PARN: variants seen among roughly 807,000 people sequenced by gnomAD.
PARN encodes poly(A)-specific ribonuclease.
In PARN, 71 loss-of-function variants were observed where a neutral mutation model predicts 102.8. The observed-to-expected ratio is 0.69, with a 90% confidence interval of 0.57 to 0.84. PARN has a LOEUF of 0.84. PARN is among the 40% of genes least tolerant of loss of function. The pLI, the probability that PARN is intolerant of heterozygous loss-of-function variation, is 0.00. For synonymous variants in PARN, 261 were observed against 252.9 expected, an observed-to-expected ratio of 1.03 and a Z score of -0.30; for missense variants, 782 against 760.9, an observed-to-expected ratio of 1.03 and a Z score of -0.33.
chr16:14,489,646 T>C (rs1420514374), intron 21 of PARN, among the ~76,000 whole-genome samples: 1 of 152,214 alleles, frequency 6.6e-6, no homozygotes. Flanking sequence ...GCAACTCAGA[T>C]GCCAGACTTC....
intron 21 of PARN, among the ~76,000 whole-genome samples, chr16:14,528,717 A>C (rs1281657887): frequency 6.6e-6 from 1 of 152,086 alleles, no homozygotes; most frequent in South Asian, 2.1e-4. Flanking sequence ...AGCCTGGTAA[A>C]ATGAATTTTC....
At chr16:14,565,328 T>A (rs1968363715) in intron 18 of PARN, among the ~76,000 whole-genome samples, 1 of 152,052 alleles carries the variant, frequency 6.6e-6, no homozygotes, top group South Asian at 2.1e-4. Context: ...CCACTTGCTG[T>A]TTTGACAAAT....
At chr16:14,593,802 G>C (rs1046198712) in intron 12 of PARN, among the ~76,000 whole-genome samples, 3 of 152,036 alleles carry the variant, frequency 2.0e-5, no homozygotes, top group Non-Finnish European at 2.9e-5. Flanking sequence ...TTCGAGACCA[G>C]CCTGGCCAAC....
At chr16:14,519,659 T>C (rs1438375869) in intron 21 of PARN, among the ~76,000 whole-genome samples, 1 of 152,108 alleles carries the variant, frequency 6.6e-6, no homozygotes, top group African/African-American at 2.4e-5. Context: ...AAACTGTGAC[T>C]GACTAAATCA....
chr16:14,563,522 G>GTGTGTGTGTGTGTGTA (rs1423811963), intron 18 of PARN, among the ~76,000 whole-genome samples: 1 of 149,148 alleles, frequency 6.7e-6, no homozygotes. Flanking sequence ...GTGTGTGTGT[G>GTGTGTGTGTGTGTGTA]TATATAATTC....
chr16:14,554,265 A>C, intron 19 of PARN, 114 bp from the exon 20 acceptor site: 1 of 673,364 alleles, frequency 1.5e-6, no homozygotes, highest in Non-Finnish European at 2.5e-6. Context: ...TGAATTCCTC[A>C]TGATTACCAA....
chr16:14,510,350 C>T (rs1965118972), intron 21 of PARN, among the ~76,000 whole-genome samples: 1 of 152,152 alleles, frequency 6.6e-6, no homozygotes, highest in South Asian at 2.1e-4. Flanking sequence ...TTAATCATTA[C>T]ATATAAAATA....
At chr16:14,611,540 T>C (rs1338815798) in intron 6 of PARN, among the ~76,000 whole-genome samples, 3 of 152,108 alleles carry the variant, frequency 2.0e-5, no homozygotes, top group Non-Finnish European at 4.4e-5. Context: ...AGCAAACTTT[T>C]TCTTTGTTTT....
intron 22 of PARN, among the ~76,000 whole-genome samples, chr16:14,467,965 T>C (rs1962465484): frequency 6.6e-6 from 1 of 152,218 alleles, no homozygotes; most frequent in Non-Finnish European, 1.5e-5. Flanking sequence ...CCACAAGGTA[T>C]TACTTGCTAG....
intron 22 of PARN, 82 bp downstream of exon 22, chr16:14,482,556 G>C: frequency 9.2e-7 from 1 of 1,082,762 alleles, no homozygotes; most frequent in Non-Finnish European, 1.3e-6. Flanking sequence ...GTCAGATTTA[G>C]TACTTACAAA....
At chr16:14,609,926 A>C (rs1440246090) in intron 7 of PARN, among the ~76,000 whole-genome samples, 1 of 152,194 alleles carries the variant, frequency 6.6e-6, no homozygotes, top group Non-Finnish European at 1.5e-5. Context: ...AAAAAACAAG[A>C]AAAGGGGCTG....
In PARN at chr16:14,628,380, C is replaced by T. The variant is rs1972808550; in HGVS notation, c.98-129G>A. On this transcript the variant is annotated intron_variant, in intron 2 of 23. Coordinates refer to ENST00000437198, the MANE Select transcript of PARN (RefSeq NM_002582.4). Reference sequence around the variant, plus strand: ...TTACTTGGAAGCACTCCCTAACTTACTTTTTTAAAATAAGCATTAATTTCA... The same window carrying T: ...TTACTTGGAAGCACTCCCTAACTTATTTTTTTAAAATAAGCATTAATTTCA... The T allele has an allele frequency of 7.6e-5, 46 of 608,194 alleles. 1 individual carries two copies. The South Asian group carries it at 9.0e-4, about 12-fold the overall frequency. The allele number at this position is 608,194 out of a possible 1,614,324, so 37.7% of individuals were successfully genotyped here. A position where few individuals can be genotyped will look rare whatever the true frequency, so the allele number is the denominator to read the frequency against.
intron 5 of PARN, among the ~76,000 whole-genome samples, chr16:14,619,257 A>G (rs1972131336): frequency 2.0e-5 from 3 of 152,014 alleles, no homozygotes; most frequent in South Asian, 2.1e-4. Flanking sequence ...CGAAACAAAT[A>G]TATCTCGAAC....
intron 22 of PARN, among the ~76,000 whole-genome samples, chr16:14,479,033 G>C (rs1336911961): frequency 6.6e-6 from 1 of 152,174 alleles, no homozygotes; most frequent in African/African-American, 2.4e-5. Flanking sequence ...GCCTCCTAAA[G>C]TGCTGGGATT....
intron 12 of PARN, among the ~76,000 whole-genome samples, chr16:14,597,471 C>T (rs1485470268): frequency 2.0e-5 from 3 of 152,016 alleles, no homozygotes; most frequent in Admixed American, 6.6e-5. Context: ...CCAAGGCAGG[C>T]GGATCACGAG....
chr16:14,448,652 C>T (rs1345674143), intron 22 of PARN, among the ~76,000 whole-genome samples: 1 of 152,194 alleles, frequency 6.6e-6, no homozygotes, highest in Non-Finnish European at 1.5e-5. Flanking sequence ...TCAAGTTCCT[C>T]CACATTACTC....
chr16:14,448,151 A>T (rs566172754), intron 22 of PARN, among the ~76,000 whole-genome samples: 1 of 142,524 alleles, frequency 7.0e-6, no homozygotes, highest in South Asian at 2.3e-4. Context: ...TGTCTGGCTA[A>T]TTTTTTTTTT....
chr16:14,611,245 AG>A (rs1971503424), intron 6 of PARN, among the ~76,000 whole-genome samples: 1 of 152,212 alleles, frequency 6.6e-6, no homozygotes, highest in South Asian at 2.1e-4. Flanking sequence ...GGACGGTTCC[AG>A]GAGCAGCAAG....
chr16:14,570,973 A>G (rs1411071514), intron 18 of PARN, among the ~76,000 whole-genome samples: 5 of 152,182 alleles, frequency 3.3e-5, no homozygotes, highest in Non-Finnish European at 7.4e-5. Context: ...TGACAGAGCA[A>G]GACCCTGTCT....
Sources: gnomAD v4.1 joint callset for allele counts (sites outside exome capture counted in the v4.1 genomes callset) on GRCh38, gnomAD v4.1.1 for gene constraint, MANE v1.5 for transcripts, NCBI Gene and HGNC (gene_info 2026-07-23, HGNC 2026-07-21) for gene names.